MACROD2: variants seen among roughly 807,000 people sequenced by gnomAD.
The protein encoded by MACROD2 is ADP-ribose glycohydrolase MACROD2.
MACROD2 carries 36 observed loss-of-function variants against 70.4 expected under a neutral mutation model. That is an observed-to-expected ratio of 0.51 (90% CI 0.39 to 0.68). The LOEUF (loss-of-function observed/expected upper bound fraction) is 0.68. MACROD2 is among the 30% of genes least tolerant of loss of function. The pLI is 0.00. For missense variants in MACROD2, 496 were observed against 538.4 expected, an observed-to-expected ratio of 0.92 and a Z score of 0.78; for synonymous variants, 172 against 178.8, an observed-to-expected ratio of 0.96 and a Z score of 0.30.
At chr20:15,002,451 C>T (rs991795960) in intron 5 of MACROD2, among the ~76,000 whole-genome samples, 9 of 152,094 alleles carry the variant, frequency 5.9e-5, no homozygotes, top group South Asian at 2.1e-4. Context: ...GCCCACTTTT[C>T]GATGGGATTG....
At chr20:15,140,741 CT>C (rs2076185641) in intron 5 of MACROD2, among the ~76,000 whole-genome samples, 1 of 152,130 alleles carries the variant, frequency 6.6e-6, no homozygotes. Context: ...GAACAGGAAT[CT>C]GCTATGCGAA....
intron 5 of MACROD2, among the ~76,000 whole-genome samples, chr20:14,761,971 C>T (rs992621910): frequency 6.6e-6 from 1 of 152,090 alleles, no homozygotes; most frequent in East Asian, 1.9e-4. Context: ...CAATTCTTTT[C>T]CCATTCCATA....
chr20:14,530,437 G>A (rs1326544987), intron 4 of MACROD2, among the ~76,000 whole-genome samples: 4 of 152,144 alleles, frequency 2.6e-5, no homozygotes, highest in Non-Finnish European at 5.9e-5. Flanking sequence ...TTTTTATTTA[G>A]CTCTCAAATG....
intron 3 of MACROD2, among the ~76,000 whole-genome samples, chr20:14,150,064 C>A (rs2054996710): frequency 6.6e-6 from 1 of 152,002 alleles, no homozygotes; most frequent in Non-Finnish European, 1.5e-5. Flanking sequence ...TCTCTCTCCC[C>A]ACCTTTCCCC....
chr20:15,543,360 A>G, intron 8 of MACROD2, among the ~76,000 whole-genome samples: 1 of 152,164 alleles, frequency 6.6e-6, no homozygotes, highest in Non-Finnish European at 1.5e-5. Context: ...ATACTGCAAA[A>G]GGCTTTTGAT....
chr20:15,042,433 A>C (rs2075363447), intron 5 of MACROD2, among the ~76,000 whole-genome samples: 2 of 152,156 alleles, frequency 1.3e-5, no homozygotes, highest in Non-Finnish European at 2.9e-5. Context: ...CACCTGTAGG[A>C]GTATAGCATC....
intron 9 of MACROD2, among the ~76,000 whole-genome samples, chr20:15,866,146 A>G (rs768984589): frequency 1.3e-5 from 2 of 152,208 alleles, no homozygotes; most frequent in Non-Finnish European, 2.9e-5. Context: ...ACAGTGGCTC[A>G]TGCCTGTAGA....
intron 5 of MACROD2, among the ~76,000 whole-genome samples, chr20:14,968,253 A>G (rs1325552770): frequency 6.6e-6 from 1 of 152,212 alleles, no homozygotes; most frequent in Non-Finnish European, 1.5e-5. Flanking sequence ...GAAGTAAAAT[A>G]AACAAGATGA....
At chr20:14,763,794 C>T (rs774796167) in intron 5 of MACROD2, among the ~76,000 whole-genome samples, 16 of 151,988 alleles carry the variant, frequency 1.1e-4, no homozygotes, top group Non-Finnish European at 2.1e-4. Flanking sequence ...AGCTGAGAGA[C>T]GGTGTCTAGT....
chr20:14,033,601 A>G (rs1431846653), intron 2 of MACROD2, among the ~76,000 whole-genome samples: 2 of 152,244 alleles, frequency 1.3e-5, no homozygotes, highest in Non-Finnish European at 2.9e-5. Context: ...CAAAAAATTA[A>G]TGAACGTGAT....
chr20:14,112,774 T>C (rs1035929186), intron 3 of MACROD2, among the ~76,000 whole-genome samples: 1 of 151,962 alleles, frequency 6.6e-6, no homozygotes, highest in Non-Finnish European at 1.5e-5. Context: ...ACATTTATTA[T>C]TGAATTCCAG....
intron 8 of MACROD2, among the ~76,000 whole-genome samples, chr20:15,772,205 A>C (rs2051647513): frequency 6.7e-6 from 1 of 150,126 alleles, no homozygotes; most frequent in African/African-American, 2.4e-5. Flanking sequence ...TCTTTGGCCT[A>C]ACCTTGTGTA....
intron 3 of MACROD2, among the ~76,000 whole-genome samples, chr20:14,150,618 TTTTA>T (rs1213347260): frequency 1.3e-5 from 2 of 152,232 alleles, no homozygotes; most frequent in Admixed American, 1.3e-4. Context: ...AGATACAGAA[TTTTA>T]TTTTTCTTTT....
chr20:14,229,103 G>A (rs2081775446), intron 3 of MACROD2, among the ~76,000 whole-genome samples: 1 of 152,098 alleles, frequency 6.6e-6, no homozygotes, highest in Non-Finnish European at 1.5e-5. Context: ...AAAGTAAGTT[G>A]CAAAACTATA....
chr20:14,386,960 C>A (rs749468948), intron 3 of MACROD2, among the ~76,000 whole-genome samples: 1 of 152,074 alleles, frequency 6.6e-6, no homozygotes, highest in Non-Finnish European at 1.5e-5. Flanking sequence ...GGCTAGAAAC[C>A]GGAGAACACC....
intron 3 of MACROD2, among the ~76,000 whole-genome samples, chr20:14,438,988 T>C (rs2084090085): frequency 4.6e-5 from 7 of 152,194 alleles, no homozygotes; most frequent in Admixed American, 4.6e-4. Flanking sequence ...TCAGGGCTAA[T>C]GCCAAGGAGG....
intron 5 of MACROD2, among the ~76,000 whole-genome samples, chr20:14,697,979 A>C (rs2071146488): frequency 6.6e-6 from 1 of 152,222 alleles, no homozygotes; most frequent in African/African-American, 2.4e-5. Context: ...TGGTTCATTC[A>C]GGCAGCAATC....
chr20:15,494,507 T>C (rs943829818), intron 7 of MACROD2, among the ~76,000 whole-genome samples: 1 of 152,258 alleles, frequency 6.6e-6, no homozygotes, highest in Non-Finnish European at 1.5e-5. Flanking sequence ...AATAAGCTAC[T>C]GTTATATGTA....
intron 8 of MACROD2, among the ~76,000 whole-genome samples, chr20:15,661,527 A>G (rs940710363): frequency 5.3e-5 from 8 of 152,170 alleles, no homozygotes; most frequent in Admixed American, 4.6e-4. Context: ...ACTGTAGAAC[A>G]CTGTCAAGCC....
Sources: allele counts gnomAD v4.1 joint callset (sites outside exome capture counted in the v4.1 genomes callset), GRCh38; gene constraint gnomAD v4.1.1; transcripts MANE v1.5; gene names NCBI Gene and HGNC (gene_info 2026-07-23, HGNC 2026-07-21).